Variants in MAP3K20 observed in about 807,000 individuals in gnomAD.
MAP3K20 encodes mitogen-activated protein kinase kinase kinase 20, also known as HCCS-4.
In MAP3K20, 40 loss-of-function variants were observed where a neutral mutation model predicts 85.7. The ratio of observed to expected loss-of-function variants is 0.47; its 90% CI spans 0.36 to 0.61. MAP3K20 has a LOEUF of 0.61. Among genes scored for constraint, MAP3K20 ranks in the 20% least tolerant of loss-of-function variants. The probability of loss-of-function intolerance (pLI) is 0.00; values close to 1 mark genes in which losing one functional copy is unlikely to be tolerated. For missense variants in MAP3K20, 817 were observed against 961.7 expected, an observed-to-expected ratio of 0.85 and a Z score of 1.99; for synonymous variants, 325 against 327.7, an observed-to-expected ratio of 0.99 and a Z score of 0.09.
intron 11 of MAP3K20, chr2:173,226,611 A>ACTC (rs1370559108): frequency 2.0e-6 from 2 of 985,500 alleles, no homozygotes; most frequent in African/African-American, 3.5e-5. Flanking sequence ...GTTTTCTCAG[A>ACTC]CTCCACCTTT....
chr2:173,169,750 T>G, intron 2 of MAP3K20, 55 bp from the exon 3 acceptor site: 2 of 1,548,472 alleles, frequency 1.3e-6, no homozygotes, highest in Non-Finnish European at 1.8e-6. Flanking sequence ...CCTGTTTTAT[T>G]TGACTATTAT....
rs147666921 is a variant in MAP3K20, at chr2:173,220,798, T to C, written c.987+3548T>C. Among the ~76,000 whole-genome samples, 427 of 152,336 alleles carry C rather than the reference T, an allele frequency of 2.8e-3. 5 individuals carry two copies. The highest frequency in any genetic ancestry group is 9.7e-3 in the African/African-American group (405 of 41,578). ...TTTAAAAATATAATGGTCAACTAAA[T>C]GTTTCCTTATGAAAGTGAAATTGGG... On this transcript the variant is annotated intron_variant, in intron 11 of 19. Coordinates refer to ENST00000375213, the MANE Select transcript of MAP3K20 (RefSeq NM_016653.3).
chr2:173,108,145 AT>A (rs200645216), intron 2 of MAP3K20, among the ~76,000 whole-genome samples: 18 of 142,210 alleles, frequency 1.3e-4, no homozygotes, highest in African/African-American at 3.7e-4. Context: ...TTTTTTTTTT[AT>A]TTTTTTTTGA....
chr2:173,080,399 G>C (rs1443463331), intron 1 of MAP3K20, among the ~76,000 whole-genome samples: 1 of 152,196 alleles, frequency 6.6e-6, no homozygotes, highest in Non-Finnish European at 1.5e-5. Flanking sequence ...AATTTACAAG[G>C]AACAAGGGTA....
chr2:173,238,510 T>C, intron 15 of MAP3K20, 75 bp downstream of exon 15: 2 of 1,382,954 alleles, frequency 1.4e-6, no homozygotes, highest in Non-Finnish European at 2.0e-6. Flanking sequence ...ACACCTAAAT[T>C]TGCCAATGTC....
chr2:173,222,131 A>C (rs935329098), intron 11 of MAP3K20: 1 of 915,692 alleles, frequency 1.1e-6, no homozygotes, highest in Non-Finnish European at 1.3e-6. Flanking sequence ...GAGACCTAGC[A>C]ATCAGTCAGG....
intron 4 of MAP3K20, among the ~76,000 whole-genome samples, chr2:173,186,866 A>G (rs1690500494): frequency 6.6e-6 from 1 of 152,228 alleles, no homozygotes; most frequent in South Asian, 2.1e-4. Context: ...ATAAAGCTCT[A>G]TAAATATGAT....
chr2:173,085,097 A>C (rs1017027220), intron 1 of MAP3K20, among the ~76,000 whole-genome samples: 4 of 152,248 alleles, frequency 2.6e-5, no homozygotes, highest in Non-Finnish European at 5.9e-5. Context: ...TTATTTATGC[A>C]TCTGGAAATG....
chr2:173,094,437 T>C (rs1687399237), intron 2 of MAP3K20, among the ~76,000 whole-genome samples: 1 of 152,230 alleles, frequency 6.6e-6, no homozygotes, highest in South Asian at 2.1e-4. Flanking sequence ...TTACTTGTTA[T>C]ACAGTCTATA....
At chr2:173,237,019 C>CTTTTTTTTTTTTT (rs368196400) in intron 14 of MAP3K20, among the ~76,000 whole-genome samples, 1 of 75,538 alleles carries the variant, frequency 1.3e-5, no homozygotes, top group Non-Finnish European at 2.3e-5. Flanking sequence ...GTATATCCAC[C>CTTTTTTTTTTTTT]TTTTTTTTTT....
At chr2:173,195,898 A>C (rs1267786475) in intron 7 of MAP3K20, among the ~76,000 whole-genome samples, 1 of 151,874 alleles carries the variant, frequency 6.6e-6, no homozygotes, top group Admixed American at 6.5e-5. Context: ...TTTTTTCTTT[A>C]TTTTTCACGG....
intron 19 of MAP3K20, among the ~76,000 whole-genome samples, chr2:173,265,162 CAG>C (rs1029379213): frequency 6.6e-6 from 1 of 152,216 alleles, no homozygotes; most frequent in African/African-American, 2.4e-5. Context: ...AGTGAGGAGA[CAG>C]AGACATGTGC....
chr2:173,076,121 G>GCCTCGGGAGGCT (rs1488587061), intron 1 of MAP3K20, 119 bp downstream of exon 1: 55 of 739,170 alleles, frequency 7.4e-5, no homozygotes, highest in Non-Finnish European at 8.8e-5. Context: ...AGTCTAGGCG[G>GCCTCGGGAGGCT]CCTCGGGAGG....
chr2:173,220,870 A>C (rs1184512646), intron 11 of MAP3K20, among the ~76,000 whole-genome samples: 1 of 152,208 alleles, frequency 6.6e-6, no homozygotes, highest in African/African-American at 2.4e-5. Context: ...AAGCAAAATG[A>C]GGGCTTAAAA....
At chr2:173,243,413 A>T (rs148513284) in intron 16 of MAP3K20, among the ~76,000 whole-genome samples, 16 of 152,328 alleles carry the variant, frequency 1.1e-4, no homozygotes, top group African/African-American at 3.8e-4. Context: ...AGGAAAACAC[A>T]GGGAGCTCTT....
In MAP3K20 at chr2:173,203,787, C is replaced by G. The variant is rs747731883; in HGVS notation, c.670-9C>G. 5 of 1,608,858 alleles carry G rather than the reference C, an allele frequency of 3.1e-6. No homozygotes were observed. The South Asian group carries it at 3.3e-5, about 11-fold the overall frequency. On this transcript the variant is annotated splice_polypyrimidine_tract_variant and intron_variant, in intron 8 of 19. Transcript: ENST00000375213. Reference sequence around the variant, plus strand: ...TTTATTTTGTTTTGTTTCCCTCTGTCTATTGTAGAGATTAACCATTCCAAG... The same window carrying G: ...TTTATTTTGTTTTGTTTCCCTCTGTGTATTGTAGAGATTAACCATTCCAAG...
chr2:173,259,357 T>A (rs536849855), intron 17 of MAP3K20, among the ~76,000 whole-genome samples: 1 of 152,280 alleles, frequency 6.6e-6, no homozygotes, highest in South Asian at 2.1e-4. Context: ...AGCATGCTGA[T>A]GAAAACAAGA....
chr2:173,256,547 A>C (rs80250345), intron 16 of MAP3K20, among the ~76,000 whole-genome samples: 5,728 of 151,550 alleles, frequency 0.038, 381 homozygotes, highest in African/African-American at 0.13. Flanking sequence ...ACAGACAGAC[A>C]GATAGAGAGA....
At chr2:173,243,768 C>A (rs1403204154) in intron 16 of MAP3K20, among the ~76,000 whole-genome samples, 1 of 152,156 alleles carries the variant, frequency 6.6e-6, no homozygotes, top group Non-Finnish European at 1.5e-5. Context: ...CAACTACAGG[C>A]TCCCGCCACC....
Sources: allele counts gnomAD v4.1 joint callset (sites outside exome capture counted in the v4.1 genomes callset), GRCh38; gene constraint gnomAD v4.1.1; transcripts MANE v1.5; gene names NCBI Gene and HGNC (gene_info 2026-07-23, HGNC 2026-07-21).